The following CCDC148 variants were observed in gnomAD, a reference collection of about 807,000 sequenced individuals.
CCDC148 encodes coiled-coil domain containing 148, also known as coiled-coil domain-containing protein 148.
Under a neutral mutation model 85.7 loss-of-function variants are expected in CCDC148, and 89 were observed. That is an observed-to-expected ratio of 1.04 (90% CI 0.87 to 1.24). CCDC148 has a LOEUF of 1.24. Ranked by LOEUF, CCDC148 falls within the 50% of genes most tolerant of loss-of-function variation. CCDC148 has a pLI of 0.00. For synonymous variants in CCDC148, 230 were observed against 213.9 expected, an observed-to-expected ratio of 1.08 and a Z score of -0.66; for missense variants, 692 against 671.7, an observed-to-expected ratio of 1.03 and a Z score of -0.33.
intron 9 of CCDC148, among the ~76,000 whole-genome samples, chr2:158,277,263 A>G (rs930491660): frequency 6.6e-6 from 1 of 152,226 alleles, no homozygotes; most frequent in Non-Finnish European, 1.5e-5. Flanking sequence ...TACAACTTCA[A>G]TGGCTATTCA....
intron 9 of CCDC148, among the ~76,000 whole-genome samples, chr2:158,287,763 C>T (rs1690697543): frequency 6.6e-6 from 1 of 152,180 alleles, no homozygotes; most frequent in Non-Finnish European, 1.5e-5. Flanking sequence ...GTTGGTTGAT[C>T]TACCATTCTG....
At chr2:158,194,178 T>A (rs72934270) in intron 11 of CCDC148, among the ~76,000 whole-genome samples, 351 of 152,248 alleles carry the variant, frequency 2.3e-3, no homozygotes, top group Non-Finnish European at 4.1e-3. Flanking sequence ...GCAATTTTTT[T>A]AAAATTTAAT....
chr2:158,386,051 T>C (rs192088603), intron 1 of CCDC148, among the ~76,000 whole-genome samples: 138 of 152,114 alleles, frequency 9.1e-4, no homozygotes, highest in South Asian at 2.3e-3. Flanking sequence ...GATTCTAGAG[T>C]ATGGCTTTTG....
At chr2:158,221,720 A>G (rs1687193310) in intron 10 of CCDC148, among the ~76,000 whole-genome samples, 1 of 152,234 alleles carries the variant, frequency 6.6e-6, no homozygotes, top group Non-Finnish European at 1.5e-5. Context: ...CCCAAGCACC[A>G]TCGCCACAGA....
chr2:158,344,809 C>A (rs981799494), intron 3 of CCDC148, among the ~76,000 whole-genome samples: 2 of 152,088 alleles, frequency 1.3e-5, no homozygotes, highest in African/African-American at 4.8e-5. Flanking sequence ...ATTTACATCT[C>A]TCCTATGTAT....
At chr2:158,246,404 T>C (rs1246106773) in intron 10 of CCDC148, among the ~76,000 whole-genome samples, 1 of 152,190 alleles carries the variant, frequency 6.6e-6, no homozygotes, top group Non-Finnish European at 1.5e-5. Context: ...CTGGTCAGTA[T>C]CTCTGAGTTG....
chr2:158,346,435 G>A (rs1356801976), intron 2 of CCDC148, among the ~76,000 whole-genome samples: 1 of 152,162 alleles, frequency 6.6e-6, no homozygotes, highest in Non-Finnish European at 1.5e-5. Flanking sequence ...TGCTTCTTCT[G>A]TATGTCCCTC....
Position 158,302,546 on chromosome 2 carries a change from G to A in CCDC148, c.1110+6887C>T, listed in dbSNP as rs6711249. On this transcript the variant is annotated intron_variant, in intron 9 of 13. Transcript: ENST00000283233. ...CACACTGGTAATCCCAGGACTTTGG[G>A]AGGCTCAGGTGGGCGGATCACAAGG... Among the ~76,000 whole-genome samples, 665 of 152,262 alleles carry A rather than the reference G, an allele frequency of 4.4e-3. 4 individuals are homozygous for A. The highest frequency in any genetic ancestry group is 0.015 in the African/African-American group (617 of 41,562).
intron 13 of CCDC148, among the ~76,000 whole-genome samples, chr2:158,174,775 A>G (rs1273187972): frequency 6.6e-6 from 1 of 152,052 alleles, no homozygotes; most frequent in Non-Finnish European, 1.5e-5. Context: ...GAAACTAAAC[A>G]TACAAGAGGA....
intron 10 of CCDC148, among the ~76,000 whole-genome samples, chr2:158,225,473 A>G (rs1301119323): frequency 2.0e-5 from 3 of 152,032 alleles, no homozygotes; most frequent in Non-Finnish European, 4.4e-5. Flanking sequence ...CATCTACAGA[A>G]CTCTCCACCC....
At position 158,243,667 on chromosome 2, in the gene CCDC148, C is replaced by A. The variant is rs566571613; in HGVS notation, c.1251+7105G>T. Among the ~76,000 whole-genome samples the A allele has an allele frequency of 3.3e-5, 5 of 151,408 alleles. No homozygotes were observed. In the South Asian group the frequency reaches 8.3e-4, roughly 25 times the overall value. On this transcript the variant is annotated intron_variant, in intron 10 of 13. Transcript: ENST00000283233. The stretch of plus-strand genomic sequence containing the variant: ...ATAACTAAATACTCTGACTTTTGAT[C>A]TTTTCAAGACTAAAACAAAGGACTG...
chr2:158,438,763 T>A (rs1687790189), intron 1 of CCDC148, among the ~76,000 whole-genome samples: 1 of 151,926 alleles, frequency 6.6e-6, no homozygotes, highest in South Asian at 2.1e-4. Flanking sequence ...TACAATGAAC[T>A]CCAACAAATT....
intron 10 of CCDC148, among the ~76,000 whole-genome samples, chr2:158,242,048 G>A (rs1242146740): frequency 6.6e-6 from 1 of 151,982 alleles, no homozygotes; most frequent in Non-Finnish European, 1.5e-5. Context: ...AACTATTTCT[G>A]CATGCCCTAT....
chr2:158,347,975 A>T (rs904777765), intron 2 of CCDC148, among the ~76,000 whole-genome samples: 23 of 152,120 alleles, frequency 1.5e-4, no homozygotes, highest in Admixed American at 1.5e-3. Context: ...ATTGTTTAAC[A>T]AAACACTGTG....
At chr2:158,327,230 C>T (rs969205121) in intron 7 of CCDC148, among the ~76,000 whole-genome samples, 2 of 152,106 alleles carry the variant, frequency 1.3e-5, no homozygotes, top group Admixed American at 6.6e-5. Context: ...CTGATCTGCT[C>T]TATAGAAAAG....
Position 158,212,483 on chromosome 2 carries a change from A to G in CCDC148, c.1370+8112T>C, listed in dbSNP as rs148486906. Among the ~76,000 whole-genome samples the G allele has an allele frequency of 2.3e-3, 346 of 152,288 alleles. 2 individuals carry two copies. The highest frequency in any genetic ancestry group is 7.8e-3 in the African/African-American group (324 of 41,568). ...CTGGCTTTGTTACTTAGAAAATGCA[A>G]TAACTGTCAATTCTCTGATGTTGGC... On this transcript the variant is annotated intron_variant, in intron 11 of 13. Transcript: ENST00000283233.
rs75396437 is a variant in CCDC148 at position 158,193,529 on chromosome 2, G to A, written c.1371-14533C>T. On this transcript the variant is annotated intron_variant, in intron 11 of 13. Coordinates refer to ENST00000283233, the MANE Select transcript of CCDC148 (RefSeq NM_138803.4). ...CCTTGCTCCTCTAGAAACGTTTAGC[G>A]CATTCAAGCCCACACACACTCAGAT... is the stretch of plus-strand genomic sequence containing the variant. Among the ~76,000 whole-genome samples the A allele has an allele frequency of 2.9e-3, 439 of 151,852 alleles. 2 individuals are homozygous for A. Among genetic ancestry groups the A allele is most frequent in the African/African-American group, 9.8e-3 (407 of 41,370 alleles).
chr2:158,258,545 C>A (rs1001278486), intron 9 of CCDC148, among the ~76,000 whole-genome samples: 1 of 151,854 alleles, frequency 6.6e-6, no homozygotes, highest in Non-Finnish European at 1.5e-5. Context: ...ATGATGCACA[C>A]TTGACAGGGT....
At chr2:158,309,330 T>C (rs911960264) in intron 9 of CCDC148, 103 bp downstream of exon 9, 2 of 982,056 alleles carry the variant, frequency 2.0e-6, no homozygotes, top group African/African-American at 1.6e-5. Flanking sequence ...GGTAGGCTTT[T>C]GTTTTTTAAG....
Sources: allele counts gnomAD v4.1 joint callset (sites outside exome capture counted in the v4.1 genomes callset), GRCh38; gene constraint gnomAD v4.1.1; transcripts MANE v1.5; gene names NCBI Gene and HGNC (gene_info 2026-07-23, HGNC 2026-07-21).